Variants in FHIT observed in about 807,000 individuals in gnomAD.
The protein encoded by FHIT is fragile histidine triad diadenosine triphosphatase.
FHIT carries 19 observed loss-of-function variants against 17.9 expected under a neutral mutation model. The ratio of observed to expected loss-of-function variants is 1.06; its 90% CI spans 0.74 to 1.56. The LOEUF (loss-of-function observed/expected upper bound fraction) is 1.56. FHIT is among the 40% of genes most tolerant of loss of function. The probability of loss-of-function intolerance (pLI) is 0.00; values close to 1 mark genes in which losing one functional copy is unlikely to be tolerated. For missense variants in FHIT, 248 were observed against 189.2 expected, an observed-to-expected ratio of 1.31 and a Z score of -1.82; for synonymous variants, 81 against 69.7, an observed-to-expected ratio of 1.16 and a Z score of -0.81.
chr3:60,640,351 G>C (rs77089773), intron 4 of FHIT, among the ~76,000 whole-genome samples: 2,742 of 152,080 alleles, frequency 0.018, 89 homozygotes, highest in African/African-American at 0.061. Context: ...AAAAAGATAA[G>C]TTGCTGTATT....
chr3:59,860,959 T>G (rs1047137903), intron 8 of FHIT, among the ~76,000 whole-genome samples: 1 of 152,100 alleles, frequency 6.6e-6, no homozygotes, highest in African/African-American at 2.4e-5. Flanking sequence ...CTTTTTTTCC[T>G]ACTATAGTGG....
At chr3:60,248,991 T>C (rs753182291) in intron 5 of FHIT, among the ~76,000 whole-genome samples, 2 of 152,212 alleles carry the variant, frequency 1.3e-5, no homozygotes, top group Non-Finnish European at 2.9e-5. Flanking sequence ...GTTCACTTAC[T>C]TTTCCACAAT....
chr3:60,559,404 C>T (rs910925052), intron 4 of FHIT, among the ~76,000 whole-genome samples: 2 of 152,220 alleles, frequency 1.3e-5, no homozygotes, highest in African/African-American at 2.4e-5. Flanking sequence ...GTGGCACGCA[C>T]TCTCAGTTAC....
intron 5 of FHIT, among the ~76,000 whole-genome samples, chr3:60,533,987 G>T (rs975786456): frequency 7.9e-5 from 12 of 152,070 alleles, no homozygotes; most frequent in Non-Finnish European, 1.6e-4. Context: ...AGGCAGGAGA[G>T]AACACTGGAG....
intron 5 of FHIT, among the ~76,000 whole-genome samples, chr3:60,117,939 G>C (rs1000945139): frequency 6.6e-6 from 1 of 152,132 alleles, no homozygotes; most frequent in Non-Finnish European, 1.5e-5. Context: ...AATCAGGTCT[G>C]GTTGTGCATC....
chr3:61,243,269 T>A (rs1156545028), intron 1 of FHIT, among the ~76,000 whole-genome samples: 3 of 152,214 alleles, frequency 2.0e-5, no homozygotes, highest in Non-Finnish European at 4.4e-5. Context: ...CTTCACTTCT[T>A]TTCTATGAAG....
At chr3:60,131,887 T>A (rs1034086691) in intron 5 of FHIT, among the ~76,000 whole-genome samples, 3 of 152,154 alleles carry the variant, frequency 2.0e-5, no homozygotes, top group African/African-American at 7.2e-5. Flanking sequence ...TGACTCCTCA[T>A]TGCATCAGAA....
At chr3:59,807,935 G>A (rs3112505) in intron 8 of FHIT, among the ~76,000 whole-genome samples, 124,215 of 152,178 alleles carry the variant, frequency 0.82, 51,095 homozygotes, top group Middle Eastern at 0.93. Flanking sequence ...CACACATAAC[G>A]TAAAATCCAC....
At chr3:60,924,014 G>C (rs1358071098) in intron 3 of FHIT, among the ~76,000 whole-genome samples, 1 of 152,124 alleles carries the variant, frequency 6.6e-6, no homozygotes, top group Non-Finnish European at 1.5e-5. Context: ...CTTGGGGAGG[G>C]GCCCCTGCCA....
At chr3:59,799,487 T>C (rs1180774194) in intron 8 of FHIT, among the ~76,000 whole-genome samples, 2 of 151,952 alleles carry the variant, frequency 1.3e-5, no homozygotes, top group African/African-American at 4.8e-5. Flanking sequence ...TCATGAGAAG[T>C]AGAGGAAAAG....
chr3:61,249,238 ATC>A (rs993198574), intron 1 of FHIT, among the ~76,000 whole-genome samples: 2 of 152,186 alleles, frequency 1.3e-5, no homozygotes, highest in African/African-American at 2.4e-5. Flanking sequence ...TTCTAGTCTA[ATC>A]TCTGACACAA....
At chr3:60,955,424 A>C (rs2107472853) in intron 3 of FHIT, among the ~76,000 whole-genome samples, 1 of 152,106 alleles carries the variant, frequency 6.6e-6, no homozygotes, top group South Asian at 2.1e-4. Context: ...GTCTTGTGTC[A>C]AGCCAGAGCA....
chr3:60,820,648 GAAA>G (rs1174862495), intron 4 of FHIT, among the ~76,000 whole-genome samples: 1 of 152,186 alleles, frequency 6.6e-6, no homozygotes, highest in Non-Finnish European at 1.5e-5. Flanking sequence ...GAATGAGAGG[GAAA>G]GGGAAGGCAG....
chr3:59,919,467 T>C (rs944836543), intron 8 of FHIT, among the ~76,000 whole-genome samples: 2 of 152,202 alleles, frequency 1.3e-5, no homozygotes, highest in Admixed American at 6.5e-5. Flanking sequence ...TCTGTTACTA[T>C]CTTCCCTCTA....
chr3:60,666,561 C>T (rs2040385574), intron 4 of FHIT, among the ~76,000 whole-genome samples: 1 of 152,172 alleles, frequency 6.6e-6, no homozygotes, highest in Non-Finnish European at 1.5e-5. Context: ...TATCATAGCA[C>T]AGATTTCATT....
chr3:60,867,309 A>G (rs1575618737), intron 3 of FHIT, among the ~76,000 whole-genome samples: 1 of 152,332 alleles, frequency 6.6e-6, no homozygotes, highest in East Asian at 1.9e-4. Flanking sequence ...CAGTGTACTC[A>G]TAAGCAAATA....
At chr3:60,911,140 A>G (rs1197771542) in intron 3 of FHIT, among the ~76,000 whole-genome samples, 4 of 152,212 alleles carry the variant, frequency 2.6e-5, no homozygotes, top group African/African-American at 7.2e-5. Flanking sequence ...TTCCAACATC[A>G]TATTTGTAAC....
At chr3:60,961,681 A>G (rs1006166884) in intron 3 of FHIT, among the ~76,000 whole-genome samples, 4 of 152,204 alleles carry the variant, frequency 2.6e-5, no homozygotes, top group African/African-American at 9.7e-5. Flanking sequence ...CTTATTAAAT[A>G]GGAAATCCTT....
At chr3:59,918,583 A>C (rs765342983) in intron 8 of FHIT, among the ~76,000 whole-genome samples, 3 of 152,220 alleles carry the variant, frequency 2.0e-5, no homozygotes, top group Non-Finnish European at 2.9e-5. Flanking sequence ...TGTTTCAGTT[A>C]AACAGCATGC....
Sources: allele counts gnomAD v4.1 joint callset (sites outside exome capture counted in the v4.1 genomes callset), GRCh38; gene constraint gnomAD v4.1.1; transcripts MANE v1.5; gene names NCBI Gene and HGNC (gene_info 2026-07-23, HGNC 2026-07-21).